CNOT1: variants seen among roughly 807,000 people sequenced by gnomAD.
CNOT1 encodes CCR4-NOT transcription complex subunit 1.
A neutral mutation model predicts 273.8 loss-of-function variants in CNOT1; 15 were observed. The observed-to-expected ratio is 0.05, with a 90% CI of 0.04 to 0.08. The LOEUF (loss-of-function observed/expected upper bound fraction) is 0.08. Among genes scored for constraint, CNOT1 ranks in the 10% least tolerant of loss-of-function variants. CNOT1 has a pLI of 1.00. For synonymous variants in CNOT1, 1,022 were observed against 1,005.5 expected (o/e 1.02, Z -0.31); for missense variants, 1,644 against 2,912.2 (o/e 0.56, Z 10.02).
At chr16:58,556,056 T>C in intron 19 of CNOT1, 148 bp from the exon 20 acceptor site, 1 of 1,407,244 alleles carries the variant, frequency 7.1e-7, no homozygotes, top group East Asian at 2.5e-5. Flanking sequence ...AGTTTCAGTA[T>C]TAATGTGTGC....
chr16:58,537,818 G>C, intron 38 of CNOT1, 73 bp downstream of exon 38: 2 of 1,574,234 alleles, frequency 1.3e-6, no homozygotes, highest in East Asian at 4.5e-5. Context: ...ATGTTAGTAA[G>C]TCTGCATATT....
intron 16 of CNOT1, among the ~76,000 whole-genome samples, chr16:58,573,358 T>G (rs1216876433): frequency 6.6e-6 from 1 of 150,964 alleles, no homozygotes; most frequent in Admixed American, 6.6e-5. Context: ...CCTAAATAAG[T>G]AGAAAAACAT....
intron 3 of CNOT1, among the ~76,000 whole-genome samples, chr16:58,588,360 TA>T (rs930101455): frequency 4.0e-5 from 6 of 149,530 alleles, no homozygotes; most frequent in African/African-American, 9.8e-5. Flanking sequence ...TAGAGTTTTT[TA>T]AAAAAAAAAC....
intron 44 of CNOT1, chr16:58,527,839 G>T (rs1034369642): frequency 5.8e-5 from 12 of 208,040 alleles, no homozygotes; most frequent in African/African-American, 2.4e-4. Flanking sequence ...ACTATGGCAG[G>T]GCGTGGTGGC....
intron 1 of CNOT1, among the ~76,000 whole-genome samples, chr16:58,626,075 A>T (rs569738511): frequency 5.9e-5 from 9 of 152,162 alleles, no homozygotes; most frequent in Non-Finnish European, 1.3e-4. Flanking sequence ...GCCTCAGTTA[A>T]TATATATGAC....
At chr16:58,527,183 T>C (rs2039619972) in intron 44 of CNOT1, among the ~76,000 whole-genome samples, 1 of 151,478 alleles carries the variant, frequency 6.6e-6, no homozygotes, top group African/African-American at 2.4e-5. Flanking sequence ...AAATCGAAAA[T>C]ATGGGGGGTG....
intron 6 of CNOT1, among the ~76,000 whole-genome samples, chr16:58,586,950 G>A (rs1266039517): frequency 6.6e-6 from 1 of 152,310 alleles, no homozygotes; most frequent in African/African-American, 2.4e-5. Context: ...AGTTGTTGAT[G>A]GGCATAGTTC....
intron 39 of CNOT1, 114 bp downstream of exon 39, chr16:58,536,871 TTGCA>T (rs1375299589): frequency 2.1e-6 from 3 of 1,441,724 alleles, no homozygotes; most frequent in Admixed American, 5.5e-5. Context: ...CAGTTTGGGT[TTGCA>T]TGAGTATGGA....
intron 2 of CNOT1, among the ~76,000 whole-genome samples, chr16:58,596,527 G>A (rs2042254746): frequency 6.6e-6 from 1 of 152,070 alleles, no homozygotes; most frequent in Non-Finnish European, 1.5e-5. Flanking sequence ...GGAAAAGACA[G>A]GTAAACAGTG....
At chr16:58,592,189 T>A (rs1195566852) in intron 2 of CNOT1, among the ~76,000 whole-genome samples, 1 of 152,178 alleles carries the variant, frequency 6.6e-6, no homozygotes, top group African/African-American at 2.4e-5. Flanking sequence ...ATAAATATAA[T>A]CTTAACATCT....
rs35404068 is a variant in CNOT1, at chr16:58,625,857, C to CAAAA, written c.-175+3867_-175+3870dup. Among the ~76,000 whole-genome samples the CAAAA allele has an allele frequency of 2.3e-4, 24 of 106,364 alleles. 1 individual carries two copies. Among genetic ancestry groups the CAAAA allele is most frequent in the East Asian group, 1.2e-3 (4 of 3,358 alleles). The allele number at this position is 106,364 out of a possible 152,430, so 69.8% of individuals were successfully genotyped here. A position where few individuals can be genotyped will look rare whatever the true frequency, so the allele number is the denominator to read the frequency against. ...TAGGCATTGAAGTGAAACCCTGTCT[C>CAAAA]AAAAAAAAAAAAAAAAAAAACTATT... is the stretch of plus-strand genomic sequence containing the variant. On this transcript the variant is annotated intron_variant, in intron 1 of 48. Transcript: ENST00000317147.
At position 58,537,224 on chromosome 16, in the gene CNOT1, G is replaced by T; in HGVS notation, c.5415-4C>A. 6.3e-7 allele frequency: 1 copy of T among 1,580,478 alleles called. No homozygotes were observed. Among genetic ancestry groups the T allele is most frequent in the Non-Finnish European group, 8.6e-7 (1 of 1,161,902 alleles). On this transcript the variant is annotated splice_region_variant and splice_polypyrimidine_tract_variant and intron_variant, in intron 38 of 48. Coordinates refer to ENST00000317147, the MANE Select transcript of CNOT1 (RefSeq NM_016284.5). ...TACTTCCATCAGCTGGGGCAATCTA[G>T]CACAATAAATAAAGGGTGAAAATCA...
chr16:58,583,697 C>T (rs2041731074), intron 8 of CNOT1, among the ~76,000 whole-genome samples: 1 of 152,084 alleles, frequency 6.6e-6, no homozygotes, highest in African/African-American at 2.4e-5. Flanking sequence ...CACCACCACG[C>T]ATGGCTAATT....
Position 58,587,699 on chromosome 16 carries a change from C to T in CNOT1, c.309+81G>A, listed in dbSNP as rs72790280. The T allele has an allele frequency of 0.07, 101,485 of 1,441,908 alleles. 4,080 individuals carry two copies. Among genetic ancestry groups the T allele is most frequent in the Non-Finnish European group, 0.079 (83,376 of 1,060,368 alleles). 89.3% of individuals were successfully genotyped at this position (1,441,908 alleles called of 1,614,324 possible). ...ACCTGAAATTTTTATATTAAGACAT[C>T]ACATTATGAGATCAAGGCTTAGGGA... On this transcript the variant is annotated intron_variant, in intron 4 of 48. Transcript: ENST00000317147.
chr16:58,576,398 A>C, intron 14 of CNOT1, 65 bp downstream of exon 14: 1 of 1,603,966 alleles, frequency 6.2e-7, no homozygotes, highest in Non-Finnish European at 8.5e-7. Flanking sequence ...GGCATGAGCC[A>C]CCGCGCCCGG....
intron 2 of CNOT1, among the ~76,000 whole-genome samples, chr16:58,591,187 A>G (rs1747429454): frequency 6.6e-6 from 1 of 152,234 alleles, no homozygotes. Flanking sequence ...AAAAAGGGTC[A>G]GAGGGAATCA....
At chr16:58,594,231 C>T (rs951977371) in intron 2 of CNOT1, among the ~76,000 whole-genome samples, 1 of 151,028 alleles carries the variant, frequency 6.6e-6, no homozygotes. Context: ...GCAACAAGAG[C>T]GAAACTCCAT....
intron 1 of CNOT1, among the ~76,000 whole-genome samples, chr16:58,608,498 G>A (rs1035109728): frequency 2.7e-5 from 4 of 148,654 alleles, no homozygotes; most frequent in African/African-American, 7.5e-5. Context: ...AGGCTGCAGC[G>A]AGCTGAGATC....
At chr16:58,571,090 C>T (rs1018747500) in intron 16 of CNOT1, among the ~76,000 whole-genome samples, 5 of 149,374 alleles carry the variant, frequency 3.3e-5, no homozygotes, top group Non-Finnish European at 7.4e-5. Context: ...ACACATATAG[C>T]TTGAGAAAAA....
Sources: gnomAD v4.1 joint callset for allele counts (sites outside exome capture counted in the v4.1 genomes callset) on GRCh38, gnomAD v4.1.1 for gene constraint, MANE v1.5 for transcripts, NCBI Gene and HGNC (gene_info 2026-07-23, HGNC 2026-07-21) for gene names.